Variants in ADK observed in about 807,000 individuals in gnomAD.
ADK encodes N6,N6-dimethyladenosine kinase.
ADK carries 24 observed loss-of-function variants against 44.7 expected under a neutral mutation model. The observed-to-expected ratio is 0.54, with a 90% CI of 0.39 to 0.76. ADK has a LOEUF of 0.76. Among genes scored for constraint, ADK ranks in the 30% least tolerant of loss-of-function variants. The probability of loss-of-function intolerance (pLI) is 0.00; values close to 1 mark genes in which losing one functional copy is unlikely to be tolerated. For synonymous variants in ADK, 128 were observed against 142.6 expected (o/e 0.90, Z 0.73); for missense variants, 321 against 425.1 (o/e 0.76, Z 2.15).
chr10:74,292,486 G>A (rs1839657067), intron 3 of ADK, among the ~76,000 whole-genome samples: 1 of 152,130 alleles, frequency 6.6e-6, no homozygotes, highest in Non-Finnish European at 1.5e-5. Context: ...TGAGAAGTTA[G>A]GGGACTTGTT....
rs1850933822 is a variant in ADK, at chr10:74,571,006, G to A, written c.727-18276G>A. ...AGAGTTTTTAGCATGAAGAGTTGTT[G>A]AATTTTATCAAAGGCCTTTTCTGCA... On this transcript the variant is annotated intron_variant, in intron 7 of 10. Transcript: ENST00000539909. Among the ~76,000 whole-genome samples, 3 of 152,188 alleles carry A rather than the reference G, an allele frequency of 2.0e-5. No homozygotes were observed. In the South Asian group the frequency reaches 6.2e-4, roughly 32 times the overall value.
intron 6 of ADK, among the ~76,000 whole-genome samples, chr10:74,492,383 C>G (rs1021598384): frequency 2.6e-5 from 4 of 151,998 alleles, no homozygotes; most frequent in African/African-American, 7.3e-5. Context: ...GGGAGGATCA[C>G]TTGAGCCCAA....
chr10:74,191,169 C>T (rs781391088), intron 1 of ADK, among the ~76,000 whole-genome samples: 43 of 151,980 alleles, frequency 2.8e-4, no homozygotes, highest in Admixed American at 4.6e-4. Context: ...TTAGTAGCGA[C>T]GGGGTTTCAC....
chr10:74,280,320 T>A (rs909645657), intron 3 of ADK, among the ~76,000 whole-genome samples: 9 of 151,940 alleles, frequency 5.9e-5, no homozygotes, highest in African/African-American at 2.2e-4. Flanking sequence ...GCCAGGATGG[T>A]ATGGATCTCC....
chr10:74,494,913 A>C (rs1382297150), intron 6 of ADK, among the ~76,000 whole-genome samples: 3 of 152,226 alleles, frequency 2.0e-5, no homozygotes, highest in East Asian at 1.9e-4. Flanking sequence ...AAAGTGTCTC[A>C]AAGTATCTCT....
In ADK at chr10:74,701,057, AT is replaced by A. The variant is rs778162663; in HGVS notation, c.965-7257del. On this transcript the variant is annotated intron_variant, in intron 10 of 10. Coordinates refer to ENST00000539909, the MANE Select transcript of ADK (RefSeq NM_006721.4). Reference sequence around the variant, plus strand: ...CCTAAACTCTTTTTAGTAGATTTGGATTTTTTTCTTTTAAAGTTAGGGATGA... The same window carrying A: ...CCTAAACTCTTTTTAGTAGATTTGGATTTTTTCTTTTAAAGTTAGGGATGA... 2.6e-5 allele frequency among the ~76,000 whole-genome samples: 4 copies of A among 152,196 alleles called. No individual in the cohort carries two copies. In the East Asian group the frequency reaches 7.7e-4, roughly 29 times the overall value.
chr10:74,544,148 C>G (rs1384493026), intron 7 of ADK, among the ~76,000 whole-genome samples: 1 of 152,178 alleles, frequency 6.6e-6, no homozygotes, highest in African/African-American at 2.4e-5. Context: ...TATATAATTA[C>G]AATGCTTACA....
intron 10 of ADK, among the ~76,000 whole-genome samples, chr10:74,706,120 G>T (rs781157208): frequency 6.6e-6 from 1 of 152,030 alleles, no homozygotes; most frequent in Non-Finnish European, 1.5e-5. Context: ...GATTACTTGA[G>T]CCCAAGAGTT....
At chr10:74,531,691 A>G (rs1849296844) in intron 7 of ADK, among the ~76,000 whole-genome samples, 4 of 151,946 alleles carry the variant, frequency 2.6e-5, no homozygotes, top group Admixed American at 2.0e-4. Flanking sequence ...AAACCACCAC[A>G]GCTGGCTAAT....
chr10:74,448,424 A>T (rs1441308069), intron 6 of ADK, among the ~76,000 whole-genome samples: 1 of 152,200 alleles, frequency 6.6e-6, no homozygotes, highest in East Asian at 1.9e-4. Context: ...TTAGATTGTT[A>T]TGAGGATTAA....
chr10:74,680,515 G>C (rs897697513), intron 10 of ADK, among the ~76,000 whole-genome samples: 4 of 149,406 alleles, frequency 2.7e-5, no homozygotes, highest in Non-Finnish European at 2.9e-5. Context: ...TTTCTACTCT[G>C]TATGTCTGAA....
At chr10:74,265,147 A>G (rs1846168435) in intron 3 of ADK, among the ~76,000 whole-genome samples, 1 of 152,126 alleles carries the variant, frequency 6.6e-6, no homozygotes. Flanking sequence ...ATTTAGGTCC[A>G]AGCCCTCTTC....
chr10:74,546,706 G>T (rs1849829890), intron 7 of ADK, among the ~76,000 whole-genome samples: 1 of 151,930 alleles, frequency 6.6e-6, no homozygotes, highest in African/African-American at 2.4e-5. Flanking sequence ...GAAAATAATT[G>T]GGAATGTATT....
rs926337541 is a variant in ADK at position 74,649,881 on chromosome 10, C to A, written c.878-20302C>A. ...ATGAATACTTGTCCCCATGACTTTC[C>A]TGAAGGTCTAAAAGATATTTCTGTC... On this transcript the variant is annotated intron_variant, in intron 9 of 10. Transcript: ENST00000539909. Among the ~76,000 whole-genome samples the A allele has an allele frequency of 6.6e-5, 10 of 152,260 alleles. No individual in the cohort carries two copies. The South Asian group carries it at 2.1e-3, about 32-fold the overall frequency.
chr10:74,270,096 A>T lies in ADK; in HGVS notation c.195-44571A>T, dbSNP rs556781097. Among the ~76,000 whole-genome samples, 15 of 152,348 alleles carry T rather than the reference A, an allele frequency of 9.8e-5. No individual in the cohort carries two copies. The East Asian group carries it at 2.9e-3, about 29-fold the overall frequency. On this transcript the variant is annotated intron_variant, in intron 3 of 10. Coordinates refer to ENST00000539909, the MANE Select transcript of ADK (RefSeq NM_006721.4). ...ATTAAAAGCAGAGAAAGTTTTAAAT[A>T]AACTAAATGGTGAAGAATTGGTTTG...
At chr10:74,667,717 A>C (rs988545373) in intron 9 of ADK, among the ~76,000 whole-genome samples, 8 of 151,450 alleles carry the variant, frequency 5.3e-5, no homozygotes, top group African/African-American at 1.9e-4. Flanking sequence ...TTGTATTTTT[A>C]GTGGAGCCGG....
intron 1 of ADK, among the ~76,000 whole-genome samples, chr10:74,183,658 G>A (rs1016308285): frequency 6.6e-6 from 1 of 150,898 alleles, no homozygotes; most frequent in African/African-American, 2.4e-5. Flanking sequence ...TTACAAGCGT[G>A]TGCCACCACA....
chr10:74,394,099 A>T (rs1372300631), intron 4 of ADK, 42 bp from the exon 5 acceptor site: 1 of 1,600,252 alleles, frequency 6.2e-7, no homozygotes, highest in Non-Finnish European at 8.6e-7. Context: ...TATGTGTACC[A>T]TTTTTTTGCC....
At chr10:74,501,288 A>G (rs931083575) in intron 6 of ADK, among the ~76,000 whole-genome samples, 1 of 152,234 alleles carries the variant, frequency 6.6e-6, no homozygotes, top group East Asian at 1.9e-4. Flanking sequence ...ATCATCTTCA[A>G]TTAGGTACTT....
Sources: allele counts gnomAD v4.1 joint callset (sites outside exome capture counted in the v4.1 genomes callset), GRCh38; gene constraint gnomAD v4.1.1; transcripts MANE v1.5; gene names NCBI Gene and HGNC (gene_info 2026-07-23, HGNC 2026-07-21).